ATG7: variants seen among roughly 807,000 people sequenced by gnomAD.
ATG7 encodes autophagy related 7, also known as ubiquitin-like modifier-activating enzyme ATG7.
Under a neutral mutation model 82.4 loss-of-function variants are expected in ATG7, and 70 were observed. The ratio of observed to expected loss-of-function variants is 0.85; its 90% CI spans 0.70 to 1.04. ATG7 has a LOEUF of 1.04. ATG7 is among the 50% of genes least tolerant of loss of function. ATG7 has a pLI of 0.00. For missense variants in ATG7, 792 were observed against 864.3 expected (o/e 0.92, Z 1.05); for synonymous variants, 287 against 313.0 (o/e 0.92, Z 0.88).
chr3:11,480,711 T>C (rs1159230717), intron 20 of ATG7, among the ~76,000 whole-genome samples: 1 of 152,230 alleles, frequency 6.6e-6, no homozygotes, highest in Non-Finnish European at 1.5e-5. Flanking sequence ...TCACAAGGAC[T>C]TGAAACCCAG....
At chr3:11,295,874 T>C (rs1945817433) in intron 3 of ATG7, among the ~76,000 whole-genome samples, 1 of 151,722 alleles carries the variant, frequency 6.6e-6, no homozygotes, top group Non-Finnish European at 1.5e-5. Context: ...GCAACCTCTG[T>C]CTCCTGCAGT....
intron 19 of ATG7, among the ~76,000 whole-genome samples, chr3:11,393,906 C>G (rs543582182): frequency 6.6e-6 from 1 of 152,250 alleles, no homozygotes; most frequent in African/African-American, 2.4e-5. Flanking sequence ...GTCTCAGACT[C>G]CTGAGCTCAA....
rs772454167 is a variant in ATG7, at chr3:11,358,497, G to T, written c.1364G>T (p.Arg455Leu). 2.5e-6 allele frequency: 4 copies of T among 1,614,006 alleles called. No individual in the cohort carries two copies. The African/African-American group carries it at 4.0e-5, about 16-fold the overall frequency. Reference sequence around the variant, plus strand: ...TCCAGTGTCACTCTGGAGCAAGCCCGCAGAGATGTGGAGCAACTGGAGCAG... The same window carrying T: ...TCCAGTGTCACTCTGGAGCAAGCCCTCAGAGATGTGGAGCAACTGGAGCAG... The part of the protein sequence containing the change: ...NFSSVTLEQA[R>L]RDVEQLEQLI... Residue 455 changes from arginine (R) to leucine (L), a missense_variant, in exon 15 of 21, where the codon CGC becomes CTC. Coordinates refer to ENST00000693202, the MANE Select transcript of ATG7 (RefSeq NM_001349232.2).
chr3:11,460,120 A>G (rs1488828240), intron 20 of ATG7, among the ~76,000 whole-genome samples: 1 of 152,242 alleles, frequency 6.6e-6, no homozygotes, highest in Non-Finnish European at 1.5e-5. Flanking sequence ...CCTCAGTGCT[A>G]CATGACCAAC....
At chr3:11,564,867 G>C in the ATG7 span, 1 of 1,609,470 alleles carries the variant, frequency 6.2e-7, no homozygotes, top group Non-Finnish European at 8.5e-7. Flanking sequence ...GCTGTTCTTG[G>C]TCAGTGCGAG....
intron 18 of ATG7, among the ~76,000 whole-genome samples, chr3:11,370,683 C>T (rs2076935589): frequency 6.6e-6 from 1 of 151,034 alleles, no homozygotes; most frequent in African/African-American, 2.4e-5. Flanking sequence ...GCTAATTTTA[C>T]TCAGCTTAGG....
chr3:11,406,017 T>C (rs2080302827), intron 19 of ATG7, among the ~76,000 whole-genome samples: 1 of 150,382 alleles, frequency 6.6e-6, no homozygotes, highest in African/African-American at 2.5e-5. Flanking sequence ...GTAGATGGAA[T>C]CTCACTCTGT....
chr3:11,450,414 C>G (rs1179476859), intron 20 of ATG7, among the ~76,000 whole-genome samples: 1 of 152,182 alleles, frequency 6.6e-6, no homozygotes, highest in Non-Finnish European at 1.5e-5. Context: ...TTTGGTAGGT[C>G]ATCATTTTCC....
At chr3:11,536,713 G>C (rs964840899) in intron 20 of ATG7, among the ~76,000 whole-genome samples, 1 of 152,076 alleles carries the variant, frequency 6.6e-6, no homozygotes, top group African/African-American at 2.4e-5. Flanking sequence ...CTGCGGCTCC[G>C]ACCGGGGCCG....
chr3:11,362,985 A>C (rs1415635715), intron 17 of ATG7, 57 bp downstream of exon 17: 6 of 1,455,988 alleles, frequency 4.1e-6, no homozygotes, highest in East Asian at 2.4e-5. Flanking sequence ...GCAGTTGTTC[A>C]TCAGTGTCTC....
chr3:11,460,892 G>C (rs2086240132), intron 20 of ATG7, among the ~76,000 whole-genome samples: 5 of 152,160 alleles, frequency 3.3e-5, no homozygotes, highest in Admixed American at 3.3e-4. Flanking sequence ...CATGTGTATG[G>C]AGCCCAGAGG....
chr3:11,564,837 G>T, the ATG7 span: 3 of 1,597,684 alleles, frequency 1.9e-6, no homozygotes, highest in East Asian at 2.3e-5. Context: ...CGAGAGGCCG[G>T]CTGGCCTGCT....
At chr3:11,561,709 G>C (rs1256995637), downstream of ATG7, among the ~76,000 whole-genome samples, 2 of 152,010 alleles carry the variant, frequency 1.3e-5, no homozygotes, top group Admixed American at 1.3e-4. Context: ...ATGAAGGCCA[G>C]AAACACCCTG....
chr3:11,349,712 G>A (rs534097812), intron 14 of ATG7, among the ~76,000 whole-genome samples: 1 of 152,314 alleles, frequency 6.6e-6, no homozygotes, highest in African/African-American at 2.4e-5. Flanking sequence ...CAGTGGCTCA[G>A]ATCTAATGTG....
intron 11 of ATG7, among the ~76,000 whole-genome samples, chr3:11,336,647 G>A (rs1401974191): frequency 1.3e-5 from 2 of 152,030 alleles, no homozygotes; most frequent in Non-Finnish European, 2.9e-5. Flanking sequence ...AATGGTATAA[G>A]GAGTATTATT....
chr3:11,486,829 T>G (rs13099744), intron 20 of ATG7, among the ~76,000 whole-genome samples: 25,177 of 104,656 alleles, frequency 0.24, 2,794 homozygotes, highest in Non-Finnish European at 0.34. Context: ...TGTTTTTTTT[T>G]TTTTTTTTTT....
chr3:11,276,003 C>T lies in ATG7; in HGVS notation c.-366+3573C>T, dbSNP rs544006848. ...ACTTTTCTTGTGGTAACCTAAAGCC[C>T]TGCCAGCTCCATTATAGACACATTG... On this transcript the variant is annotated intron_variant, in intron 1 of 20. Transcript: ENST00000693202. Among the ~76,000 whole-genome samples, 3 of 152,324 alleles carry T rather than the reference C, an allele frequency of 2.0e-5. 1 individual carries two copies. Among genetic ancestry groups the T allele is most frequent in the Admixed American group, 2.0e-4 (3 of 15,302 alleles).
intron 19 of ATG7, among the ~76,000 whole-genome samples, chr3:11,422,445 G>A (rs2082009284): frequency 6.6e-6 from 1 of 152,128 alleles, no homozygotes; most frequent in South Asian, 2.1e-4. Flanking sequence ...CTGTGCCTCT[G>A]TAGCCTCCTT....
At chr3:11,502,927 A>G (rs1037666471) in intron 20 of ATG7, among the ~76,000 whole-genome samples, 4 of 152,186 alleles carry the variant, frequency 2.6e-5, no homozygotes. Context: ...GCTTTCTGTT[A>G]AGGGTAAAAC....
Sources: gnomAD v4.1 joint callset for allele counts (sites outside exome capture counted in the v4.1 genomes callset) on GRCh38, gnomAD v4.1.1 for gene constraint, MANE v1.5 for transcripts, NCBI Gene and HGNC (gene_info 2026-07-23, HGNC 2026-07-21) for gene names.